The following MDGA2 variants were observed in gnomAD, a reference collection of about 807,000 sequenced individuals.
MDGA2 encodes the protein MAM domain-containing glycosylphosphatidylinositol anchor protein 2.
In MDGA2, 40 loss-of-function variants were observed where a neutral mutation model predicts 117.8. The ratio of observed to expected loss-of-function variants is 0.34; its 90% confidence interval spans 0.26 to 0.44. The LOEUF (loss-of-function observed/expected upper bound fraction) is 0.44. Ranked by LOEUF, MDGA2 falls within the 20% of genes least tolerant of loss-of-function variation. The pLI, the probability that MDGA2 is intolerant of heterozygous loss-of-function variation, is 1.00. For missense variants in MDGA2, 1,123 were observed against 1,250.6 expected, an observed-to-expected ratio of 0.90 and a Z score of 1.54; for synonymous variants, 452 against 439.0, an observed-to-expected ratio of 1.03 and a Z score of -0.37.
chr14:47,603,763 T>A (rs1896690238), intron 1 of MDGA2, among the ~76,000 whole-genome samples: 1 of 152,182 alleles, frequency 6.6e-6, no homozygotes. Flanking sequence ...TCTCCAATTC[T>A]GGAGGCAGGG....
chr14:47,628,970 A>G (rs960730616), intron 1 of MDGA2, among the ~76,000 whole-genome samples: 1 of 152,230 alleles, frequency 6.6e-6, no homozygotes, highest in East Asian at 1.9e-4. Context: ...TGGAGTACAC[A>G]GAGGCTGTCA....
At chr14:46,958,573 A>C (rs997133913) in intron 8 of MDGA2, among the ~76,000 whole-genome samples, 5 of 152,250 alleles carry the variant, frequency 3.3e-5, no homozygotes, top group African/African-American at 1.2e-4. Context: ...GAAAGCCTGA[A>C]CTAAGGTGAG....
At chr14:47,307,254 C>T (rs1889482799) in intron 1 of MDGA2, among the ~76,000 whole-genome samples, 1 of 152,156 alleles carries the variant, frequency 6.6e-6, no homozygotes, top group Non-Finnish European at 1.5e-5. Flanking sequence ...CCCTTTTTCA[C>T]AATGATATTC....
rs1888800215 is a variant in MDGA2, at chr14:47,035,160, T to C, written c.1670A>G (p.Asp557Gly). ...ATAACTCTCCATTTGCATTGATCCATCAGGCATTGCAACTTCTTTATCCGC... is the reference window on the plus strand; with the variant it reads ...ATAACTCTCCATTTGCATTGATCCACCAGGCATTGCAACTTCTTTATCCGC... ...SRADKEVAMP[D>G]GSMQMESYDG... The change falls in exon 8 of 17, where the codon GAT (aspartate) becomes GGT (glycine). Residue 557 changes from aspartate to glycine, a missense_variant. Transcript: ENST00000399232. 2 of 1,614,018 alleles carry C rather than the reference T, an allele frequency of 1.2e-6. No homozygotes were observed. The highest frequency in any genetic ancestry group is 8.5e-7 in the Non-Finnish European group (1 of 1,180,030).
chr14:47,252,342 T>C (rs1469720732), intron 2 of MDGA2, among the ~76,000 whole-genome samples: 1 of 152,202 alleles, frequency 6.6e-6, no homozygotes, highest in Admixed American at 6.5e-5. Flanking sequence ...AGGGTTGTGA[T>C]ATATTTAATT....
intron 16 of MDGA2, among the ~76,000 whole-genome samples, 161 bp downstream of exon 16, chr14:46,845,605 T>C (rs1299298157): frequency 1.3e-5 from 2 of 152,118 alleles, no homozygotes; most frequent in African/African-American, 4.8e-5. Flanking sequence ...ATTTAATACT[T>C]TAAAAATAAC....
chr14:46,944,916 T>C (rs1547808), intron 9 of MDGA2, among the ~76,000 whole-genome samples: 5,595 of 152,136 alleles, frequency 0.037, 359 homozygotes, highest in African/African-American at 0.13. Context: ...ACCTGAAGCT[T>C]TTTGCTAAAT....
chr14:47,045,927 T>A (rs1172395497), intron 7 of MDGA2, among the ~76,000 whole-genome samples: 1 of 147,332 alleles, frequency 6.8e-6, no homozygotes, highest in Non-Finnish European at 1.5e-5. Flanking sequence ...ATTGTGCCAC[T>A]GCACTCCAGC....
chr14:47,605,813 CAT>C (rs1260053946), intron 1 of MDGA2, among the ~76,000 whole-genome samples: 1 of 152,102 alleles, frequency 6.6e-6, no homozygotes, highest in Non-Finnish European at 1.5e-5. Flanking sequence ...ACGGTATACA[CAT>C]ATTTCATAAT....
intron 1 of MDGA2, among the ~76,000 whole-genome samples, chr14:47,426,106 A>G (rs1284961177): frequency 3.9e-5 from 6 of 152,086 alleles, no homozygotes; most frequent in Admixed American, 2.0e-4. Flanking sequence ...ATAAAATAAC[A>G]TAGAGTTTTG....
chr14:47,066,437 G>T (rs1890083871), intron 6 of MDGA2, among the ~76,000 whole-genome samples: 1 of 152,132 alleles, frequency 6.6e-6, no homozygotes, highest in South Asian at 2.1e-4. Context: ...CAGATTTGAT[G>T]TCCTCAAGGA....
intron 1 of MDGA2, among the ~76,000 whole-genome samples, chr14:47,400,379 T>C (rs952784644): frequency 1.3e-5 from 2 of 152,180 alleles, no homozygotes; most frequent in African/African-American, 4.8e-5. Context: ...CTACTTACTA[T>C]TTATACAGAA....
rs996147779 is a variant in MDGA2 at position 46,884,069 on chromosome 14, A to G, written c.2239-1848T>C. Among the ~76,000 whole-genome samples, 1 of 152,088 alleles carries G rather than the reference A, an allele frequency of 6.6e-6. No individual in the cohort carries two copies. Among genetic ancestry groups the G allele is most frequent in the African/African-American group, 2.4e-5 (1 of 41,446 alleles). ...TATTATTGGGGGTTATCTGTGGCCT[A>G]TGACAAAGACATATTCTGTATAGAT... On this transcript the variant is annotated intron_variant, in intron 10 of 16. Transcript: ENST00000399232. The surrounding 1 kb of genome is among the most constrained non-coding windows in gnomAD (Gnocchi z 4.1).
intron 1 of MDGA2, among the ~76,000 whole-genome samples, chr14:47,660,054 AAAG>A (rs1386231631): frequency 1.3e-5 from 2 of 151,404 alleles, no homozygotes; most frequent in Non-Finnish European, 2.9e-5. Flanking sequence ...TTTTTTTTTT[AAAG>A]AAGAGATCTG....
chr14:47,542,205 G>A (rs946400046), intron 1 of MDGA2, among the ~76,000 whole-genome samples: 7 of 152,188 alleles, frequency 4.6e-5, no homozygotes, highest in Non-Finnish European at 8.8e-5. Flanking sequence ...TAGCCTTAAA[G>A]CATAATCTTA....
At chr14:47,176,303 TA>T (rs1436845510) in intron 3 of MDGA2, among the ~76,000 whole-genome samples, 4 of 152,146 alleles carry the variant, frequency 2.6e-5, no homozygotes, top group African/African-American at 9.7e-5. Flanking sequence ...AAAACTACTT[TA>T]AAGTTCATAT....
chr14:46,898,562 A>G (rs1030236887), intron 10 of MDGA2, among the ~76,000 whole-genome samples: 4 of 152,072 alleles, frequency 2.6e-5, no homozygotes, highest in African/African-American at 9.7e-5. Flanking sequence ...TCAAATAAAT[A>G]GGTCTAGGGA....
chr14:47,651,213 GGT>G (rs56853118), intron 1 of MDGA2, among the ~76,000 whole-genome samples: 26,420 of 146,244 alleles, frequency 0.18, 2,531 homozygotes, highest in East Asian at 0.26. Context: ...GTGTGCATGT[GGT>G]GTGTGTGTGT....
At chr14:47,605,892 G>A (rs1896734151) in intron 1 of MDGA2, among the ~76,000 whole-genome samples, 1 of 151,834 alleles carries the variant, frequency 6.6e-6, no homozygotes, top group African/African-American at 2.4e-5. Flanking sequence ...CTTTAGTGTG[G>A]CCTTGGTTTA....
Sources: gnomAD v4.1 joint callset for allele counts (sites outside exome capture counted in the v4.1 genomes callset) on GRCh38, gnomAD v4.1.1 for gene constraint, Gnocchi (gnomAD v3.1) non-coding constraint, MANE v1.5 for transcripts, NCBI Gene and HGNC (gene_info 2026-07-23, HGNC 2026-07-21) for gene names.